The following BRINP3 variants were observed in gnomAD, a reference collection of about 807,000 sequenced individuals.
BRINP3 encodes the protein BMP/retinoic acid-inducible neural-specific protein 3.
In BRINP3, 19 loss-of-function variants were observed where a neutral mutation model predicts 71.0. That is an observed-to-expected ratio of 0.27 (90% CI 0.19 to 0.39). The LOEUF (loss-of-function observed/expected upper bound fraction) is 0.39. Among genes scored for constraint, BRINP3 ranks in the 10% least tolerant of loss-of-function variants. The pLI, the probability that BRINP3 is intolerant of heterozygous loss-of-function variation, is 1.00. For missense variants in BRINP3, 959 were observed against 940.8 expected (o/e 1.02, Z -0.25); for synonymous variants, 380 against 337.7 (o/e 1.13, Z -1.37).
intron 1 of BRINP3, among the ~76,000 whole-genome samples, chr1:190,468,331 AT>A (rs974019336): frequency 2.0e-5 from 3 of 151,452 alleles, no homozygotes; most frequent in African/African-American, 7.2e-5. Context: ...CTTACTTGAA[AT>A]CAGAATTGAT....
intron 6 of BRINP3, among the ~76,000 whole-genome samples, chr1:190,206,519 T>C (rs1655516602): frequency 6.6e-6 from 1 of 152,012 alleles, no homozygotes; most frequent in African/African-American, 2.4e-5. Flanking sequence ...AAAGAGGGAC[T>C]CTTACTAAGA....
intron 2 of BRINP3, among the ~76,000 whole-genome samples, chr1:190,357,216 T>C (rs1038458572): frequency 3.3e-5 from 5 of 152,162 alleles, no homozygotes; most frequent in African/African-American, 1.2e-4. Context: ...AACAGGCCTA[T>C]GCATCTTTTT....
At chr1:190,422,956 T>C (rs1409038182) in intron 2 of BRINP3, among the ~76,000 whole-genome samples, 1 of 151,834 alleles carries the variant, frequency 6.6e-6, no homozygotes, top group African/African-American at 2.4e-5. Flanking sequence ...TTAAGAATCC[T>C]TGAAAAACTA....
Position 190,097,747 on chromosome 1 carries a change from G to A in BRINP3, c.*271C>T, listed in dbSNP as rs1651332323. On this transcript the variant is annotated 3_prime_UTR_variant, in exon 8 of 8. Transcript: ENST00000367462. ...ATGTAATGCACAAAAGCATTGCCAC[G>A]GAACATATAAAATTACAAATGAAAT... is the stretch of plus-strand genomic sequence containing the variant. The A allele has an allele frequency of 2.4e-5, 8 of 331,754 alleles. No homozygotes were observed. Among genetic ancestry groups the A allele is most frequent in the Non-Finnish European group, 3.9e-5 (7 of 181,756 alleles). The allele number at this position is 331,754 out of a possible 1,614,324, so 20.6% of individuals were successfully genotyped here.
At chr1:190,368,987 T>C (rs1198162714) in intron 2 of BRINP3, among the ~76,000 whole-genome samples, 1 of 152,148 alleles carries the variant, frequency 6.6e-6, no homozygotes, top group East Asian at 1.9e-4. Context: ...AATCTTGTTA[T>C]TAGACTGTGA....
At position 190,206,988 on chromosome 1, in the gene BRINP3, GT is replaced by G. The variant is rs1318635618; in HGVS notation, c.961+19093del. The stretch of plus-strand genomic sequence containing the variant: ...TTGGGTTTTTTTTTTGTTTTGTTTT[GT>G]TTTTTTGTTTTTTTTTTTCAGAAAA... On this transcript the variant is annotated intron_variant, in intron 6 of 7. Coordinates refer to ENST00000367462, the MANE Select transcript of BRINP3 (RefSeq NM_199051.3). Among the ~76,000 whole-genome samples the G allele has an allele frequency of 3.3e-3, 467 of 141,972 alleles. 1 individual carries two copies. The highest frequency in any genetic ancestry group is 0.012 in the African/African-American group (449 of 38,576). The allele number at this position is 141,972 out of a possible 152,430, so 93.1% of individuals were successfully genotyped here. A position where few individuals can be genotyped will look rare whatever the true frequency, so the allele number is the denominator to read the frequency against.
chr1:190,110,068 T>C (rs1344650891), intron 7 of BRINP3, among the ~76,000 whole-genome samples: 1 of 152,212 alleles, frequency 6.6e-6, no homozygotes, highest in Non-Finnish European at 1.5e-5. Flanking sequence ...TGGAGAACCC[T>C]GACTAATACA....
chr1:190,266,715 T>C (rs915518192), intron 3 of BRINP3, among the ~76,000 whole-genome samples: 14 of 152,152 alleles, frequency 9.2e-5, no homozygotes, highest in African/African-American at 3.4e-4. Flanking sequence ...GAAAAACTCA[T>C]CCACGTGATA....
chr1:190,205,087 C>A (rs1314064004), intron 6 of BRINP3, among the ~76,000 whole-genome samples: 2 of 151,972 alleles, frequency 1.3e-5, no homozygotes, highest in Non-Finnish European at 2.9e-5. Flanking sequence ...TTTCCACCTG[C>A]CACACATGGA....
chr1:190,431,099 C>A (rs1674069694), intron 2 of BRINP3, among the ~76,000 whole-genome samples: 2 of 152,036 alleles, frequency 1.3e-5, no homozygotes, highest in Admixed American at 1.3e-4. Context: ...AGAATGTTAG[C>A]TTGAGGACCA....
rs577568970 is a variant in BRINP3 at position 190,256,276 on chromosome 1, G to A, written c.618+8589C>T. On this transcript the variant is annotated intron_variant, in intron 4 of 7. Transcript: ENST00000367462. ...TGTGGTGGAGAGTTCTCTAGATGTCGATTAGGTCTGTTTTATCAGAGACTA... is the reference window on the plus strand; with the variant it reads ...TGTGGTGGAGAGTTCTCTAGATGTCAATTAGGTCTGTTTTATCAGAGACTA... Among the ~76,000 whole-genome samples, 42 of 151,274 alleles carry A rather than the reference G, an allele frequency of 2.8e-4. No homozygotes were observed. The South Asian group carries it at 6.0e-3, about 22-fold the overall frequency.
At chr1:190,162,871 C>A (rs1282173643) in intron 6 of BRINP3, among the ~76,000 whole-genome samples, 1 of 152,032 alleles carries the variant, frequency 6.6e-6, no homozygotes, top group East Asian at 1.9e-4. Flanking sequence ...ATTATGAAAT[C>A]ATTAAGAGTC....
At chr1:190,306,341 T>A (rs974963792) in intron 2 of BRINP3, among the ~76,000 whole-genome samples, 44 of 151,834 alleles carry the variant, frequency 2.9e-4, no homozygotes, top group African/African-American at 1.1e-3. Context: ...AAAAGGAGTA[T>A]CTGAATTTAA....
chr1:190,399,576 C>G (rs946600309), intron 2 of BRINP3, among the ~76,000 whole-genome samples: 2 of 152,082 alleles, frequency 1.3e-5, no homozygotes, highest in Non-Finnish European at 2.9e-5. Flanking sequence ...CATAGCCAGT[C>G]TCTTGGTAAA....
intron 2 of BRINP3, among the ~76,000 whole-genome samples, chr1:190,327,012 G>GAA (rs34143992): frequency 1.5e-5 from 2 of 137,354 alleles, no homozygotes; most frequent in East Asian, 2.1e-4. Context: ...TGTCAAGTTA[G>GAA]AAAAAAAAAA....
At chr1:190,404,286 A>G (rs769476545) in intron 2 of BRINP3, among the ~76,000 whole-genome samples, 9 of 152,168 alleles carry the variant, frequency 5.9e-5, no homozygotes, top group Non-Finnish European at 1.2e-4. Flanking sequence ...TTTATATTGA[A>G]GGAAGAAAAA....
intron 2 of BRINP3, among the ~76,000 whole-genome samples, chr1:190,312,519 G>T (rs182306273): frequency 1.3e-5 from 2 of 151,644 alleles, no homozygotes; most frequent in Admixed American, 1.3e-4. Flanking sequence ...CTCAGTTGTG[G>T]ATCCAGTTAT....
intron 2 of BRINP3, among the ~76,000 whole-genome samples, chr1:190,288,407 G>T (rs1169350603): frequency 6.6e-6 from 1 of 151,824 alleles, no homozygotes; most frequent in East Asian, 1.9e-4. Context: ...TTGCATTTGT[G>T]AATATATTTT....
chr1:190,432,913 C>T (rs1024700534), intron 2 of BRINP3, among the ~76,000 whole-genome samples: 1 of 151,958 alleles, frequency 6.6e-6, no homozygotes, highest in Non-Finnish European at 1.5e-5. Context: ...TAAACATAGT[C>T]TATGTTTGCT....
Sources: gnomAD v4.1 joint callset for allele counts (sites outside exome capture counted in the v4.1 genomes callset) on GRCh38, gnomAD v4.1.1 for gene constraint, MANE v1.5 for transcripts, NCBI Gene and HGNC (gene_info 2026-07-23, HGNC 2026-07-21) for gene names.